Variants in NUDCD2 observed in about 807,000 individuals in gnomAD.
NUDCD2 encodes the protein NudC domain containing 2, also known as nudC domain-containing protein 2.
Under a neutral mutation model 20.8 loss-of-function variants are expected in NUDCD2, and 16 were observed. That is an observed-to-expected ratio of 0.77 (90% CI 0.52 to 1.17). The LOEUF (loss-of-function observed/expected upper bound fraction) is 1.17, where lower values mean the gene tolerates loss of function less well. Among genes scored for constraint, NUDCD2 ranks in the 50% most tolerant of loss-of-function variants. The pLI is 0.00. For synonymous variants in NUDCD2, 87 were observed against 72.8 expected (o/e 1.20, Z -1.00); for missense variants, 199 against 193.9 (o/e 1.03, Z -0.16).
At chr5:163,458,737 C>T (rs1322747560) in intron 1 of NUDCD2, among the ~76,000 whole-genome samples, 1 of 152,138 alleles carries the variant, frequency 6.6e-6, no homozygotes. Context: ...AAAAAAATCC[C>T]ACTGGTCTAT....
Position 163,457,085 on chromosome 5 carries a change from A to G in NUDCD2, c.239-5T>C. ...TACGAACCATTTTTCTGTCCTCTAA[A>G]AAAAAAACACACACACACACACGCA... On this transcript the variant is annotated splice_region_variant and splice_polypyrimidine_tract_variant and intron_variant, in intron 2 of 3. Transcript: ENST00000302764. 1 of 1,589,602 alleles carries G rather than the reference A, an allele frequency of 6.3e-7. No individual in the cohort carries two copies. Among genetic ancestry groups the G allele is most frequent in the East Asian group, 2.2e-5 (1 of 44,744 alleles).
In NUDCD2 at chr5:163,457,947, A is replaced by G. The variant is rs1758365125; in HGVS notation, c.190-337T>C. ...CTACCAATTTAAATTAACCACAAGA[A>G]GGGATCTCCTGCTAAAACTAAAAAA... On this transcript the variant is annotated intron_variant, in intron 1 of 3. Coordinates refer to ENST00000302764, the MANE Select transcript of NUDCD2 (RefSeq NM_145266.6). Among the ~76,000 whole-genome samples the G allele has an allele frequency of 1.3e-5, 2 of 150,014 alleles. 1 individual carries two copies. Among genetic ancestry groups the G allele is most frequent in the South Asian group, 4.2e-4 (2 of 4,722 alleles).
rs1388901005 is a variant in NUDCD2, at chr5:163,453,361, CTCTTT to C, written c.*601_*605del. 2.6e-5 allele frequency: 4 copies of C among 152,288 alleles called. No individual in the cohort carries two copies. The highest frequency in any genetic ancestry group is 3.9e-4 in the East Asian group (2 of 5,180). The allele number at this position is 152,288 out of a possible 1,614,324, so 9.4% of individuals were successfully genotyped here. ...TCACCTAATTACCATGATCACACTT[CTCTTT>C]TGTGTTAATCCACTTCTATTGTTAG... On this transcript the variant is annotated 3_prime_UTR_variant, in exon 4 of 4. Coordinates refer to ENST00000302764, the MANE Select transcript of NUDCD2 (RefSeq NM_145266.6).
intron 3 of NUDCD2, among the ~76,000 whole-genome samples, chr5:163,455,468 G>C (rs2113419032): frequency 6.6e-6 from 1 of 152,272 alleles, no homozygotes; most frequent in South Asian, 2.1e-4. Flanking sequence ...GATTTTAAAA[G>C]AACTGCTCTA....
chr5:163,457,518 G>C (rs774207871), intron 2 of NUDCD2, 44 bp downstream of exon 2: 1 of 1,143,958 alleles, frequency 8.7e-7, no homozygotes, highest in Admixed American at 1.9e-5. Flanking sequence ...AAGATATCAA[G>C]ACAAAATTAT....
intron 3 of NUDCD2, 56 bp downstream of exon 3, chr5:163,456,873 A>T: frequency 8.7e-7 from 1 of 1,148,366 alleles, no homozygotes. Context: ...TCAAATATTT[A>T]TTTGATGATT....
In NUDCD2 at chr5:163,455,936, C is replaced by T. The variant is rs1758297217; in HGVS notation, c.390+993G>A. Among the ~76,000 whole-genome samples, 3 of 152,180 alleles carry T rather than the reference C, an allele frequency of 2.0e-5. No homozygotes were observed. In the South Asian group the frequency reaches 6.2e-4, roughly 32 times the overall value. On this transcript the variant is annotated intron_variant, in intron 3 of 3. Coordinates refer to ENST00000302764, the MANE Select transcript of NUDCD2 (RefSeq NM_145266.6). ...TTCGAAGGTAGCATCAGTAAGATTT[C>T]CTAATACATTGGATAGGGTATGAGA...
Position 163,459,914 on chromosome 5 carries a change from C to A in NUDCD2, c.137G>T (p.Gly46Val). ...PGTRAQDIQC[G>V]LQSRHVALSV... ...CAGCGCCACATGCCGGCTCTGGAGG[C>A]CGCACTGGATATCCTGGGCGCGCGT... Residue 46 changes from glycine (G) to valine (V), a missense_variant, in exon 1 of 4, where the codon GGC (glycine) becomes GTC (valine). Transcript: ENST00000302764. 1 of 1,612,800 alleles carries A rather than the reference C, an allele frequency of 6.2e-7. No individual in the cohort carries two copies. The highest frequency in any genetic ancestry group is 1.1e-5 in the South Asian group (1 of 90,994).
chr5:163,451,300 T>C lies in NUDCD2; in HGVS notation c.*2667A>G, dbSNP rs1758169472. On this transcript the variant is annotated 3_prime_UTR_variant, in exon 4 of 4. Transcript: ENST00000302764. Reference sequence around the variant, plus strand: ...TGTTACAATAAAGCGTTTTTCTTAATTATATATGATCCCATTTATAACATG... The same window carrying C: ...TGTTACAATAAAGCGTTTTTCTTAACTATATATGATCCCATTTATAACATG... 6.6e-6 allele frequency: 1 copy of C among 152,200 alleles called. No homozygotes were observed. The highest frequency in any genetic ancestry group is 2.4e-5 in the African/African-American group (1 of 41,450). 9.4% of individuals were successfully genotyped at this position (152,200 alleles called of 1,614,324 possible). A position where few individuals can be genotyped will look rare whatever the true frequency, so the allele number is the denominator to read the frequency against.
At chr5:163,455,335 A>C (rs1186022751) in intron 3 of NUDCD2, among the ~76,000 whole-genome samples, 1 of 152,226 alleles carries the variant, frequency 6.6e-6, no homozygotes, top group Non-Finnish European at 1.5e-5. Context: ...AGTATGGCAA[A>C]AGCAGAATCA....
Position 163,453,960 on chromosome 5 carries a change from A to C in NUDCD2, c.*7T>G, listed in dbSNP as rs1758240021. Reference sequence around the variant, plus strand: ...CTAGGATCCACAGAATGCAGGAAAAAAAGCAGTTATTTCTCAAGGTTTGAG... The same window carrying C: ...CTAGGATCCACAGAATGCAGGAAAACAAGCAGTTATTTCTCAAGGTTTGAG... On this transcript the variant is annotated 3_prime_UTR_variant, in exon 4 of 4. Coordinates refer to ENST00000302764, the MANE Select transcript of NUDCD2 (RefSeq NM_145266.6). The C allele has an allele frequency of 6.7e-7, 1 of 1,487,820 alleles. No individual in the cohort carries two copies. The highest frequency in any genetic ancestry group is 9.1e-7 in the Non-Finnish European group (1 of 1,100,486). The allele number at this position is 1,487,820 out of a possible 1,614,324, so 92.2% of individuals were successfully genotyped here.
Position 163,457,607 on chromosome 5 carries a change from T to A in NUDCD2, c.193A>T (p.Lys65Ter). ...SVGGREILKGKLFDSTIADEG... is the reference protein window; with the variant it reads ...SVGGREILKG ...TCAGCTATTGTAGAATCAAAGAGTT[T>A]GCCCTGAAAAATAAACATATAAGGT... Residue 65 changes from lysine (K) to a stop codon, truncating the protein, a stop_gained, in exon 2 of 4, where the codon AAA becomes TAA. Transcript: ENST00000302764. LOFTEE classifies it high-confidence loss of function. 6.3e-7 allele frequency: 1 copy of A among 1,583,016 alleles called. No individual in the cohort carries two copies. Among genetic ancestry groups the A allele is most frequent in the Non-Finnish European group, 8.7e-7 (1 of 1,152,358 alleles).
chr5:163,458,951 T>C (rs1308742973), intron 1 of NUDCD2: 2 of 152,214 alleles, frequency 1.3e-5, no homozygotes, highest in African/African-American at 4.8e-5. Flanking sequence ...CTGTAATATA[T>C]ATAATAGCTA....
In NUDCD2 at chr5:163,450,390, CT is replaced by C. The variant is rs1235885963; in HGVS notation, c.*3576del. On this transcript the variant is annotated 3_prime_UTR_variant, in exon 4 of 4. Coordinates refer to ENST00000302764, the MANE Select transcript of NUDCD2 (RefSeq NM_145266.6). ...AATTAAGTCTGTGCTTCAAAAGACA[CT>C]ATCAACAAAGTAAAGAGAGAATAGG... 8 of 152,272 alleles carry C rather than the reference CT, an allele frequency of 5.3e-5. No individual in the cohort carries two copies. Among genetic ancestry groups the C allele is most frequent in the Admixed American group, 5.2e-4 (8 of 15,292 alleles). 9.4% of individuals were successfully genotyped at this position (152,272 alleles called of 1,614,324 possible). A position where few individuals can be genotyped will look rare whatever the true frequency, so the allele number is the denominator to read the frequency against.
Position 163,459,904 on chromosome 5 carries a change from G to A in NUDCD2, c.147C>T (p.Ser49=), listed in dbSNP as rs1758438008. The change falls in exon 1 of 4, where the codon AGC becomes AGT. Residue 49 remains serine, a synonymous_variant. Transcript: ENST00000302764. ...CGCCCACCGACAGCGCCACATGCCG[G>A]CTCTGGAGGCCGCACTGGATATCCT... ...RAQDIQCGLQ[S]RHVALSVGGR... 1.9e-6 allele frequency: 3 copies of A among 1,611,598 alleles called. No homozygotes were observed. Among genetic ancestry groups the A allele is most frequent in the Non-Finnish European group, 2.5e-6 (3 of 1,179,100 alleles).
chr5:163,447,866 A>T lies in NUDCD2; in HGVS notation c.*6101T>A, dbSNP rs1204977233. ...TGATACTACAGGGAAGTCTTAAAAA[A>T]TATTTTAAAATAAATGAAAATATCA... On this transcript the variant is annotated 3_prime_UTR_variant, in exon 4 of 4. Coordinates refer to ENST00000302764, the MANE Select transcript of NUDCD2 (RefSeq NM_145266.6). The T allele has an allele frequency of 6.6e-6, 1 of 152,264 alleles. No individual in the cohort carries two copies. Among genetic ancestry groups the T allele is most frequent in the Non-Finnish European group, 1.5e-5 (1 of 68,046 alleles). The allele number at this position is 152,264 out of a possible 1,614,324, so 9.4% of individuals were successfully genotyped here.
At chr5:163,455,165 T>C (rs1307446151) in intron 3 of NUDCD2, among the ~76,000 whole-genome samples, 1 of 146,852 alleles carries the variant, frequency 6.8e-6, no homozygotes. Context: ...AAAAACAGGA[T>C]AAGGGAAATA....
intron 2 of NUDCD2, 40 bp downstream of exon 2, chr5:163,457,522 A>G: frequency 8.4e-7 from 1 of 1,195,090 alleles, no homozygotes; most frequent in South Asian, 1.3e-5. Context: ...TATCAAGACA[A>G]AATTATTTTA....
chr5:163,455,627 G>A (rs895617608), intron 3 of NUDCD2, among the ~76,000 whole-genome samples: 1 of 152,072 alleles, frequency 6.6e-6, no homozygotes, highest in African/African-American at 2.4e-5. Context: ...AGCCGTGCGT[G>A]GTGGCGGGAG....
Sources: allele counts gnomAD v4.1 joint callset (sites outside exome capture counted in the v4.1 genomes callset), GRCh38; gene constraint gnomAD v4.1.1; transcripts MANE v1.5; gene names NCBI Gene and HGNC (gene_info 2026-07-23, HGNC 2026-07-21).